The following NEBL variants were observed in gnomAD, a reference collection of about 807,000 sequenced individuals.
NEBL encodes the protein nebulette.
Under a neutral mutation model 140.2 loss-of-function variants are expected in NEBL, and 122 were observed. The ratio of observed to expected loss-of-function variants is 0.87; its 90% CI spans 0.75 to 1.01. NEBL has a LOEUF of 1.01. Ranked by LOEUF, NEBL falls within the 50% of genes least tolerant of loss-of-function variation. The pLI is 0.00. For missense variants in NEBL, 1,365 were observed against 1,231.3 expected (o/e 1.11, Z -1.62); for synonymous variants, 436 against 398.9 (o/e 1.09, Z -1.11).
intron 2 of NEBL, among the ~76,000 whole-genome samples, chr10:21,064,935 G>C (rs944081825): frequency 1.3e-5 from 2 of 151,952 alleles, no homozygotes; most frequent in Non-Finnish European, 2.9e-5. Context: ...GAATGAGATA[G>C]AAAAAAAGGA....
upstream of NEBL, chr10:21,174,460 C>G (rs1301518329): frequency 6.6e-6 from 1 of 152,358 alleles, no homozygotes; most frequent in South Asian, 2.1e-4. Flanking sequence ...GTACTCCCTT[C>G]CCTCCCTCTT....
intron 2 of NEBL, among the ~76,000 whole-genome samples, chr10:21,079,106 C>A (rs1437947036): frequency 6.6e-6 from 1 of 152,214 alleles, no homozygotes; most frequent in African/African-American, 2.4e-5. Flanking sequence ...GATATCCAAC[C>A]TTTCCTTCCA....
intron 1 of NEBL, among the ~76,000 whole-genome samples, chr10:21,280,030 C>T (rs1842972718): frequency 6.6e-6 from 1 of 152,022 alleles, no homozygotes; most frequent in Non-Finnish European, 1.5e-5. Flanking sequence ...TTAAGAGAAG[C>T]CAAAAAGTCC....
At chr10:21,104,689 C>T (rs917643389) in intron 2 of NEBL, among the ~76,000 whole-genome samples, 1 of 152,032 alleles carries the variant, frequency 6.6e-6, no homozygotes, top group African/African-American at 2.4e-5. Flanking sequence ...TAGTTGTATC[C>T]TTCTTTTCTA....
chr10:21,181,442 G>A (rs554094803), intron 3 of NEBL, among the ~76,000 whole-genome samples: 1 of 151,862 alleles, frequency 6.6e-6, no homozygotes, highest in East Asian at 1.9e-4. Flanking sequence ...GTCGGTAAGA[G>A]GGAGACTCAT....
chr10:21,061,458 GATATATGATATATCATATATTACATC>G (rs1249717956), intron 2 of NEBL, among the ~76,000 whole-genome samples: 6 of 146,326 alleles, frequency 4.1e-5, no homozygotes, highest in Admixed American at 2.1e-4. Flanking sequence ...TATATTACAT[GATATATGATATATCATATATTACATC>G]ATATATGATA....
chr10:21,025,335 G>A (rs560765461), intron 2 of NEBL, among the ~76,000 whole-genome samples: 42 of 152,322 alleles, frequency 2.8e-4, no homozygotes, highest in African/African-American at 5.5e-4. Flanking sequence ...ATTGGCTGAA[G>A]TGTGTGTATC....
chr10:20,821,973 A>T (rs1357040328), intron 19 of NEBL, among the ~76,000 whole-genome samples: 2 of 152,158 alleles, frequency 1.3e-5, no homozygotes, highest in East Asian at 1.9e-4. Flanking sequence ...TCTAACTCCA[A>T]CGTTACCCCT....
intron 2 of NEBL, among the ~76,000 whole-genome samples, chr10:21,250,046 G>A (rs1356255699): frequency 6.6e-6 from 1 of 151,936 alleles, no homozygotes; most frequent in African/African-American, 2.4e-5. Flanking sequence ...CCTGGTGACA[G>A]AGCAAAACTC....
At chr10:21,125,436 C>G (rs201233176) in intron 2 of NEBL, among the ~76,000 whole-genome samples, 2 of 152,088 alleles carry the variant, frequency 1.3e-5, no homozygotes, top group Non-Finnish European at 2.9e-5. Flanking sequence ...TGGGAAGTTG[C>G]GGAGGGGACT....
intron 26 of NEBL, among the ~76,000 whole-genome samples, chr10:20,799,115 G>T (rs993279452): frequency 3.3e-5 from 5 of 152,078 alleles, no homozygotes; most frequent in African/African-American, 1.2e-4. Context: ...ACATTATAAA[G>T]AAATAATTCA....
At chr10:21,106,587 A>T (rs1445197500) in intron 2 of NEBL, among the ~76,000 whole-genome samples, 1 of 152,176 alleles carries the variant, frequency 6.6e-6, no homozygotes, top group African/African-American at 2.4e-5. Flanking sequence ...TGGTTACTAT[A>T]GCCTTGTAGT....
chr10:21,155,924 A>G (rs1840319660), intron 2 of NEBL, among the ~76,000 whole-genome samples: 1 of 152,196 alleles, frequency 6.6e-6, no homozygotes, highest in Non-Finnish European at 1.5e-5. Context: ...CAGAGGCCCC[A>G]AGAGGTGGAG....
rs1321506449 is a variant in NEBL, at chr10:20,783,915, A to AT, written c.*1831dup. ...AGTCTCTAGTTATTTGCCTGCATTT[A>AT]TTTTTTCAACTTTATGTCAGTGACA... On this transcript the variant is annotated 3_prime_UTR_variant, in exon 28 of 28. Coordinates refer to ENST00000377122, the MANE Select transcript of NEBL (RefSeq NM_006393.3). The AT allele has an allele frequency of 2.0e-5, 3 of 152,494 alleles. No individual in the cohort carries two copies. Among genetic ancestry groups the AT allele is most frequent in the African/African-American group, 7.2e-5 (3 of 41,438 alleles). The allele number at this position is 152,494 out of a possible 1,614,324, so 9.4% of individuals were successfully genotyped here. A position where few individuals can be genotyped will look rare whatever the true frequency, so the allele number is the denominator to read the frequency against.
At chr10:21,280,664 G>A (rs1199120650) in intron 1 of NEBL, among the ~76,000 whole-genome samples, 1 of 125,880 alleles carries the variant, frequency 7.9e-6, no homozygotes, top group African/African-American at 3.1e-5. Context: ...CTGGAGTGCA[G>A]TGGTGCAATC....
At position 20,858,286 on chromosome 10, in the gene NEBL, A is replaced by T. The variant is rs752717041; in HGVS notation, c.857T>A (p.Leu286Ter). 3 of 1,612,408 alleles carry T rather than the reference A, an allele frequency of 1.9e-6. No individual in the cohort carries two copies. The Middle Eastern group carries it at 5.0e-4, about 266-fold the overall frequency. The part of the protein sequence containing the change: ...MHDPVSDLPN[L>*]LFLDHVLKAS... Reference sequence around the variant, plus strand: ...TTTCAAAACATGGTCTAAAAACAACAAATTTGGGAGATCTGAAACTGGATC... The same window carrying T: ...TTTCAAAACATGGTCTAAAAACAACTAATTTGGGAGATCTGAAACTGGATC... The change falls in exon 9 of 28, where the codon TTG becomes TAG. Residue 286 changes from leucine (L) to a stop codon, truncating the protein, a stop_gained. Transcript: ENST00000377122. LOFTEE classifies it high-confidence loss of function.
intron 3 of NEBL, among the ~76,000 whole-genome samples, chr10:21,000,147 A>G (rs1837833235): frequency 7.3e-6 from 1 of 136,256 alleles, no homozygotes; most frequent in South Asian, 2.4e-4. Context: ...GGGCAAGGAA[A>G]AAGCCAGGCA....
intron 3 of NEBL, among the ~76,000 whole-genome samples, chr10:21,185,749 C>T (rs1338627185): frequency 2.6e-5 from 4 of 152,240 alleles, no homozygotes; most frequent in Non-Finnish European, 5.9e-5. Flanking sequence ...CACCTCGCCT[C>T]AGCCTCCCAA....
chr10:20,863,128 T>C (rs535401943), intron 7 of NEBL, among the ~76,000 whole-genome samples: 17 of 152,228 alleles, frequency 1.1e-4, no homozygotes, highest in African/African-American at 3.9e-4. Flanking sequence ...AGTGACGGCA[T>C]TGTAGCTCCC....
Sources: gnomAD v4.1 joint callset for allele counts (sites outside exome capture counted in the v4.1 genomes callset) on GRCh38, gnomAD v4.1.1 for gene constraint, MANE v1.5 for transcripts, NCBI Gene and HGNC (gene_info 2026-07-23, HGNC 2026-07-21) for gene names.